The following ISLR2 variants were observed in gnomAD, a reference collection of about 807,000 sequenced individuals.
The protein encoded by ISLR2 is immunoglobulin superfamily containing leucine rich repeat 2.
A neutral mutation model predicts 25.5 loss-of-function variants in ISLR2; 16 were observed. That is an observed-to-expected ratio of 0.63 (90% CI 0.43 to 0.95). The LOEUF (loss-of-function observed/expected upper bound fraction) is 0.95, where lower values mean the gene tolerates loss of function less well. ISLR2 is among the 40% of genes least tolerant of loss of function. The pLI, the probability that ISLR2 is intolerant of heterozygous loss-of-function variation, is 0.00. For missense variants in ISLR2, 883 were observed against 1,030.7 expected, an observed-to-expected ratio of 0.86 and a Z score of 1.96; for synonymous variants, 508 against 486.6, an observed-to-expected ratio of 1.04 and a Z score of -0.58.
At chr15:74,114,012 C>A (rs2072190930) in intron 2 of ISLR2, among the ~76,000 whole-genome samples, 1 of 152,226 alleles carries the variant, frequency 6.6e-6, no homozygotes, top group Non-Finnish European at 1.5e-5. Context: ...GATACTCTGC[C>A]ACACACATTT....
Position 74,133,653 on chromosome 15 carries a change from G to A in ISLR2, c.899G>A (p.Gly300Glu). ...GACGACGGGGTTGGGGCGGAGGAAG[G>A]AGAGGGAGAAGGAGATGGGGATTTG... ...GEDDGVGAEEGEGEGDGDLLT... is the reference protein window; with the variant it reads ...GEDDGVGAEEEEGEGDGDLLT... The change falls in exon 3 of 3, where the codon GGA becomes GAA. Residue 300 changes from glycine to glutamate, a missense_variant. Physicochemically the swap from Gly to Glu is moderately conservative, Grantham distance 98. Around this residue, in one of 2 missense-constraint regions of ISLR2, gnomAD observed 612 missense variants for 642.8 expected, o/e 0.95. Coordinates refer to ENST00000453268, the MANE Select transcript of ISLR2 (RefSeq NM_020851.3). 5.0e-6 allele frequency: 8 copies of A among 1,612,312 alleles called. No homozygotes were observed. Among genetic ancestry groups the A allele is most frequent in the Non-Finnish European group, 5.9e-6 (7 of 1,179,296 alleles).
At chr15:74,118,846 A>C (rs1254968105) in intron 2 of ISLR2, among the ~76,000 whole-genome samples, 1 of 151,768 alleles carries the variant, frequency 6.6e-6, no homozygotes, top group Admixed American at 6.6e-5. Context: ...TTTAGTAGAG[A>C]CGGGGTTTCA....
At chr15:74,114,981 A>G (rs1220062595) in intron 2 of ISLR2, among the ~76,000 whole-genome samples, 2 of 152,172 alleles carry the variant, frequency 1.3e-5, no homozygotes, top group Non-Finnish European at 2.9e-5. Context: ...AAGAGAGCAC[A>G]TGAACTCTGG....
intron 2 of ISLR2, among the ~76,000 whole-genome samples, chr15:74,104,909 G>T (rs1262688526): frequency 8.3e-6 from 1 of 120,236 alleles, no homozygotes; most frequent in Non-Finnish European, 1.7e-5. Context: ...ATTAAAAAAA[G>T]AAGTTACAGG....
chr15:74,110,160 C>T (rs1240609426), intron 2 of ISLR2, among the ~76,000 whole-genome samples: 1 of 152,132 alleles, frequency 6.6e-6, no homozygotes, highest in African/African-American at 2.4e-5. Flanking sequence ...AAATTAAAAC[C>T]ACGTAAGATA....
upstream of ISLR2, among the ~76,000 whole-genome samples, chr15:74,124,791 A>G (rs1595941557): frequency 6.6e-6 from 1 of 152,186 alleles, no homozygotes; most frequent in Non-Finnish European, 1.5e-5. Context: ...CACAATAGGT[A>G]TGTTTCCTTG....
At chr15:74,128,391 A>T (rs903836958), upstream of ISLR2, 1 of 443,196 alleles carries the variant, frequency 2.3e-6, no homozygotes, top group African/African-American at 2.0e-5. Context: ...GGCCCGCGGG[A>T]GTCAGCTCCC....
At chr15:74,128,112 T>G, upstream of ISLR2, 2 of 264,746 alleles carry the variant, frequency 7.6e-6, no homozygotes, top group Non-Finnish European at 1.5e-5. Context: ...ACTGTCATTA[T>G]TAACGTTATA....
In ISLR2 at chr15:74,120,335, A is replaced by G. The variant is rs1041000681; in HGVS notation, n.229-10872A>G. 1.3e-5 allele frequency among the ~76,000 whole-genome samples: 2 copies of G among 152,198 alleles called. 1 individual carries two copies. The highest frequency in any genetic ancestry group is 2.9e-5 in the Non-Finnish European group (2 of 68,036). On this transcript the variant is annotated intron_variant and non_coding_transcript_variant, in intron 2 of 3. Transcript: ENST00000561975. ...CAGGAGTTTGAGAACAGCCTGGCCA[A>G]CATGGTGAAGCTCCATTTCTACTAA...
At chr15:74,125,454 G>T (rs1461880880), upstream of ISLR2, among the ~76,000 whole-genome samples, 2 of 152,086 alleles carry the variant, frequency 1.3e-5, no homozygotes, top group African/African-American at 4.8e-5. Flanking sequence ...TGCCCAAGCT[G>T]GTCTTAAACT....
In ISLR2 at chr15:74,134,732, G is replaced by C. The variant is rs1199409599; in HGVS notation, c.1978G>C (p.Ala660Pro). ...CCTCGAGTCCGAGAAAAGCTACCCG[G>C]CAGGCGGCGAGGCGGGCGGCGAGGA... is the stretch of plus-strand genomic sequence containing the variant. ...SYLESEKSYP[A>P]GGEAGGEEPE... Residue 660 changes from alanine to proline, a missense_variant, in exon 3 of 3, where the codon GCA becomes CCA. Ala to Pro is a conservative substitution (Grantham distance 27, BLOSUM62 -1). Transcript: ENST00000453268. 6.2e-7 allele frequency: 1 copy of C among 1,614,020 alleles called. No homozygotes were observed.
upstream of ISLR2, among the ~76,000 whole-genome samples, chr15:74,123,492 A>AG: frequency 6.6e-6 from 1 of 152,184 alleles, no homozygotes; most frequent in Admixed American, 6.5e-5. Context: ...CTAGAAGGAG[A>AG]GAGGGCAAGG....
Position 74,133,704 on chromosome 15 carries a change from C to G in ISLR2, c.950C>G (p.Pro317Arg). The change falls in exon 3 of 3, where the codon CCG (proline) becomes CGG (arginine). Residue 317 changes from proline to arginine, a missense_variant. Physicochemically the swap from Pro to Arg is moderately radical, Grantham distance 103 (BLOSUM62 -2). Transcript: ENST00000453268. ...DLLTQTQAQT[P>R]TPAPAWPAPP... is the part of the protein sequence containing the mutation. Reference sequence around the variant, plus strand: ...CTGACGCAGACCCAAGCCCAAACGCCGACTCCAGCACCCGCTTGGCCGGCG... The same window carrying G: ...CTGACGCAGACCCAAGCCCAAACGCGGACTCCAGCACCCGCTTGGCCGGCG... 2 of 1,608,116 alleles carry G rather than the reference C, an allele frequency of 1.2e-6. No homozygotes were observed. The highest frequency in any genetic ancestry group is 1.3e-5 in the African/African-American group (1 of 74,930).
intron 2 of ISLR2, among the ~76,000 whole-genome samples, chr15:74,119,671 A>C (rs1422700036): frequency 6.6e-6 from 1 of 152,276 alleles, no homozygotes; most frequent in Non-Finnish European, 1.5e-5. Flanking sequence ...AACTTGATTT[A>C]ATCATTTCAC....
chr15:74,118,719 G>A (rs2072230293), intron 2 of ISLR2, among the ~76,000 whole-genome samples: 2 of 151,840 alleles, frequency 1.3e-5, no homozygotes, highest in Admixed American at 1.3e-4. Context: ...GTGCAATGGT[G>A]CAATCTTGGC....
chr15:74,119,179 A>G (rs2072233525), intron 2 of ISLR2, among the ~76,000 whole-genome samples: 1 of 152,084 alleles, frequency 6.6e-6, no homozygotes, highest in Non-Finnish European at 1.5e-5. Flanking sequence ...CAATAGTGCT[A>G]AAGACACTAG....
upstream of ISLR2, among the ~76,000 whole-genome samples, chr15:74,124,399 A>G (rs529559708): frequency 6.6e-6 from 1 of 152,098 alleles, no homozygotes; most frequent in East Asian, 1.9e-4. Flanking sequence ...AGGTGTCAAG[A>G]CCCAGGGGAG....
downstream of ISLR2, among the ~76,000 whole-genome samples, chr15:74,139,856 C>T (rs1388921086): frequency 7.1e-6 from 1 of 140,406 alleles, no homozygotes; most frequent in Non-Finnish European, 1.5e-5. Flanking sequence ...AGTCTAACGG[C>T]TTGAGGAGTG....
intron 2 of ISLR2, among the ~76,000 whole-genome samples, chr15:74,108,704 T>G (rs569680545): frequency 1.6e-4 from 25 of 152,328 alleles, no homozygotes; most frequent in African/African-American, 5.3e-4. Flanking sequence ...CCAGGGGTAA[T>G]GGGTCAAGCG....
Sources: gnomAD v4.1 joint callset for allele counts (sites outside exome capture counted in the v4.1 genomes callset) on GRCh38, gnomAD v4.1.1 for gene constraint, gnomAD v4.1.1 regional missense constraint, MANE v1.5 for transcripts, NCBI Gene and HGNC (gene_info 2026-07-23, HGNC 2026-07-21) for gene names.